The following TTC7A variants were observed in gnomAD, a reference collection of about 807,000 sequenced individuals.
TTC7A encodes the protein tetratricopeptide repeat domain 7A, also known as tetratricopeptide repeat protein 7A.
Under a neutral mutation model 103.7 loss-of-function variants are expected in TTC7A, and 110 were observed. The observed-to-expected ratio is 1.06, with a 90% CI of 0.91 to 1.24. The LOEUF (loss-of-function observed/expected upper bound fraction) is 1.24. Among genes scored for constraint, TTC7A ranks in the 50% most tolerant of loss-of-function variants. The pLI is 0.00. For missense variants in TTC7A, 1,340 were observed against 1,116.3 expected (o/e 1.20, Z -2.86); for synonymous variants, 521 against 467.9 (o/e 1.11, Z -1.47).
At chr2:47,041,946 C>T (rs1024652352) in intron 15 of TTC7A, among the ~76,000 whole-genome samples, 2 of 151,870 alleles carry the variant, frequency 1.3e-5, no homozygotes, top group African/African-American at 4.8e-5. Flanking sequence ...TAATTATATA[C>T]GTATGCACAG....
At chr2:46,970,321 G>T (rs886503818) in intron 3 of TTC7A, among the ~76,000 whole-genome samples, 1 of 152,224 alleles carries the variant, frequency 6.6e-6, no homozygotes, top group Non-Finnish European at 1.5e-5. Context: ...GGGATTTGGG[G>T]TTCTTGGAGA....
chr2:47,006,130 A>ATTTG, intron 9 of TTC7A, 71 bp downstream of exon 9: 1 of 1,570,052 alleles, frequency 6.4e-7, no homozygotes, highest in East Asian at 2.3e-5. Flanking sequence ...AGACAGAGCC[A>ATTTG]TTTGTCCCTT....
chr2:46,956,934 G>C lies in TTC7A; in HGVS notation c.444G>C (p.Gly148=). 6.2e-7 allele frequency: 1 copy of C among 1,614,224 alleles called. No individual in the cohort carries two copies. The highest frequency in any genetic ancestry group is 8.5e-7 in the Non-Finnish European group (1 of 1,180,038). ...CCATCAGCATGTACGCACGGGCCGG[G>C]ATTGATGACATGTCCATGGAGAACA... ...RDAISMYARA[G]IDDMSMENKP... Residue 148 remains glycine (G), a synonymous_variant, in exon 3 of 20, where the codon GGG becomes GGC. Transcript: ENST00000319190.
intron 19 of TTC7A, among the ~76,000 whole-genome samples, chr2:47,073,459 C>T (rs1036313149): frequency 9.9e-5 from 15 of 152,172 alleles, no homozygotes; most frequent in African/African-American, 2.7e-4. Context: ...TCCTCGGGAC[C>T]GGCAGGAACA....
intron 5 of TTC7A, among the ~76,000 whole-genome samples, chr2:46,984,153 T>C (rs1674764802): frequency 6.6e-6 from 1 of 152,230 alleles, no homozygotes; most frequent in South Asian, 2.1e-4. Context: ...GACTTGTCCT[T>C]GGTAGAGCCA....
chr2:46,917,821 T>A (rs763518291), intron 2 of TTC7A, among the ~76,000 whole-genome samples: 2 of 152,240 alleles, frequency 1.3e-5, no homozygotes, highest in Admixed American at 6.5e-5. Context: ...CCAACCACTC[T>A]CACTTAGAAA....
intron 19 of TTC7A, among the ~76,000 whole-genome samples, chr2:47,061,277 C>G (rs111324229): frequency 4.4e-4 from 67 of 152,286 alleles, no homozygotes; most frequent in African/African-American, 1.6e-3. Flanking sequence ...GCAAAGGGAT[C>G]TAGCCCCAAA....
chr2:47,072,365 G>A (rs575105007), intron 19 of TTC7A, among the ~76,000 whole-genome samples: 1 of 152,268 alleles, frequency 6.6e-6, no homozygotes, highest in Admixed American at 6.5e-5. Context: ...CCCCCTGGCC[G>A]CAAGATCTCC....
intron 19 of TTC7A, among the ~76,000 whole-genome samples, chr2:47,071,716 C>T (rs1433502382): frequency 6.6e-6 from 1 of 152,198 alleles, no homozygotes; most frequent in Non-Finnish European, 1.5e-5. Flanking sequence ...CAGGAAGTTA[C>T]TGCAAACCTC....
chr2:46,987,417 A>T (rs958499746), intron 5 of TTC7A, among the ~76,000 whole-genome samples: 1 of 152,190 alleles, frequency 6.6e-6, no homozygotes, highest in African/African-American at 2.4e-5. Context: ...GCAGTGCCAG[A>T]GAAGCTGGTT....
In TTC7A at chr2:46,957,793, G is replaced by T. The variant is rs1021542518; in HGVS notation, c.517+786G>T. 3.3e-5 allele frequency among the ~76,000 whole-genome samples: 5 copies of T among 152,346 alleles called. No individual in the cohort carries two copies. The East Asian group carries it at 7.7e-4, about 24-fold the overall frequency. On this transcript the variant is annotated intron_variant, in intron 3 of 19. Transcript: ENST00000319190. ...CTGCGGGAGCCCCTCTGCCCAGCCT[G>T]CTGTCCGGAATCTTGGATGTTTGAT...
chr2:46,957,064 G>C (rs1671935402), intron 3 of TTC7A, 57 bp downstream of exon 3: 2 of 1,604,298 alleles, frequency 1.2e-6, no homozygotes, highest in Admixed American at 1.7e-5. Flanking sequence ...GTTGCACTCT[G>C]ACTCCCAGGG....
intron 10 of TTC7A, among the ~76,000 whole-genome samples, chr2:47,008,767 G>A (rs1164551122): frequency 6.6e-6 from 1 of 152,158 alleles, no homozygotes; most frequent in Non-Finnish European, 1.5e-5. Flanking sequence ...ATGCCCGAAA[G>A]GCCTTCCAGA....
intron 10 of TTC7A, among the ~76,000 whole-genome samples, chr2:47,010,502 C>G (rs1431047834): frequency 6.6e-6 from 1 of 152,116 alleles, no homozygotes; most frequent in Non-Finnish European, 1.5e-5. Context: ...TGCCCCGCCC[C>G]GCCCAGCCCT....
chr2:47,026,673 ATTCC>A (rs35457157), intron 14 of TTC7A, among the ~76,000 whole-genome samples: 28,274 of 152,072 alleles, frequency 0.19, 2,901 homozygotes, highest in African/African-American at 0.29. Flanking sequence ...GTTCTGTCCT[ATTCC>A]TTAGTTTTCT....
chr2:47,072,770 C>T (rs113021096), intron 19 of TTC7A, among the ~76,000 whole-genome samples: 28 of 151,466 alleles, frequency 1.8e-4, no homozygotes, highest in Middle Eastern at 3.4e-3. Context: ...ATCAGTGGGA[C>T]GGCATGAAGC....
intron 14 of TTC7A, among the ~76,000 whole-genome samples, chr2:47,028,594 C>T (rs1025175616): frequency 1.3e-5 from 2 of 152,198 alleles, no homozygotes; most frequent in African/African-American, 4.8e-5. Context: ...GAAGGAAAGG[C>T]TTTCCTGAGG....
chr2:47,012,921 T>C (rs1678234066), intron 11 of TTC7A, among the ~76,000 whole-genome samples: 1 of 152,222 alleles, frequency 6.6e-6, no homozygotes. Flanking sequence ...TGCTGTCATT[T>C]AGGCTGGGGA....
intron 8 of TTC7A, 76 bp downstream of exon 8, chr2:46,995,275 G>T: frequency 6.7e-7 from 1 of 1,486,802 alleles, no homozygotes. Context: ...CCAGGTACAG[G>T]CCACCCGTGA....
Sources: allele counts gnomAD v4.1 joint callset (sites outside exome capture counted in the v4.1 genomes callset), GRCh38; gene constraint gnomAD v4.1.1; transcripts MANE v1.5; gene names NCBI Gene and HGNC (gene_info 2026-07-23, HGNC 2026-07-21).